Variants in SFPQ observed in about 807,000 individuals in gnomAD.
The protein encoded by SFPQ is splicing factor, proline- and glutamine-rich.
In SFPQ, 11 loss-of-function variants were observed where a neutral mutation model predicts 72.9. That is an observed-to-expected ratio of 0.15 (90% CI 0.09 to 0.25). The LOEUF (loss-of-function observed/expected upper bound fraction) is 0.25, where lower values mean the gene tolerates loss of function less well. Ranked by LOEUF, SFPQ falls within the 10% of genes least tolerant of loss-of-function variation. SFPQ has a pLI of 1.00. For missense variants in SFPQ, 847 were observed against 993.3 expected (o/e 0.85, Z 1.98); for synonymous variants, 506 against 367.3 (o/e 1.38, Z -4.32).
downstream of SFPQ, chr1:35,182,171 A>C (rs540436511): frequency 5.5e-5 from 54 of 985,324 alleles, 2 homozygotes; most frequent in South Asian, 2.4e-3. Flanking sequence ...ACCAGCCCCC[A>C]CCCACACACA....
downstream of SFPQ, chr1:35,178,631 G>C: frequency 9.5e-7 from 1 of 1,056,748 alleles, no homozygotes; most frequent in Non-Finnish European, 1.1e-6. Context: ...GGACAGCAAG[G>C]AACCAATTTT....
rs971164751 is a variant in SFPQ, at chr1:35,191,042, G to A, written c.1018-47C>T. 5.3e-6 allele frequency: 8 copies of A among 1,500,134 alleles called. No homozygotes were observed. The African/African-American group carries it at 5.5e-5, about 10-fold the overall frequency. The allele number at this position is 1,500,134 out of a possible 1,614,324, so 92.9% of individuals were successfully genotyped here. A position where few individuals can be genotyped will look rare whatever the true frequency, so the allele number is the denominator to read the frequency against. The stretch of plus-strand genomic sequence containing the variant: ...GTTAATGACCTCAAAATTGGATGAT[G>A]TCTACTCTTAAATTGTCATAGGCCT... On this transcript the variant is annotated intron_variant, in intron 2 of 9. Coordinates refer to ENST00000357214, the MANE Select transcript of SFPQ (RefSeq NM_005066.3).
chr1:35,187,114 C>T lies in SFPQ; in HGVS notation c.1873G>A (p.Gly625Ser), dbSNP rs1274846248. The T allele has an allele frequency of 6.2e-7, 1 of 1,614,036 alleles. No individual in the cohort carries two copies. Among genetic ancestry groups the T allele is most frequent in the Non-Finnish European group, 8.5e-7 (1 of 1,179,942 alleles). ...GGAMNMGDPYGSGGQKFPPLG... is the reference protein window; with the variant it reads ...GGAMNMGDPYSSGGQKFPPLG... The stretch of plus-strand genomic sequence containing the variant: ...GGTGGAAATTTCTGGCCTCCTGAAC[C>T]ATAGGGATCTAGAAAACAAAAATAG... The change falls in exon 9 of 10, where the codon GGT becomes AGT. Residue 625 changes from glycine (G) to serine (S), a missense_variant. Transcript: ENST00000357214.
At position 35,192,418 on chromosome 1, in the gene SFPQ, T is replaced by A; in HGVS notation, c.632A>T (p.Lys211Ile). ...GPGPGGPKGG[K>I]MPGGPKPGGG... Reference sequence around the variant, plus strand: ...ACCTGGCTTCGGCCCGCCAGGCATTTTGCCGCCTTTGGGACCACCCGGACC... The same window carrying A: ...ACCTGGCTTCGGCCCGCCAGGCATTATGCCGCCTTTGGGACCACCCGGACC... Residue 211 changes from lysine to isoleucine, a missense_variant, in exon 1 of 10, where the codon AAA becomes ATA. Physicochemically the swap from Lys to Ile is moderately radical, Grantham distance 102 (BLOSUM62 -3). Around this residue, in one of 6 missense-constraint regions of SFPQ, gnomAD observed 498 missense variants for 405.1 expected, o/e 1.23. Transcript: ENST00000357214. The A allele has an allele frequency of 7.0e-7, 1 of 1,426,068 alleles. No individual in the cohort carries two copies. The highest frequency in any genetic ancestry group is 9.1e-7 in the Non-Finnish European group (1 of 1,097,776). 88.3% of individuals were successfully genotyped at this position (1,426,068 alleles called of 1,614,324 possible).
downstream of SFPQ, chr1:35,179,156 C>T: frequency 1.9e-6 from 2 of 1,060,264 alleles, no homozygotes; most frequent in Non-Finnish European, 2.3e-6. Context: ...CATCCTGGCT[C>T]TCTAAAACCT....
downstream of SFPQ, chr1:35,180,111 T>A (rs1306288064): frequency 2.9e-6 from 3 of 1,049,322 alleles, no homozygotes; most frequent in South Asian, 4.6e-5. Context: ...TTTTTCTTGA[T>A]ACACAGAAGA....
chr1:35,189,664 G>T (rs6671861), intron 4 of SFPQ, among the ~76,000 whole-genome samples: 4 of 152,016 alleles, frequency 2.6e-5, no homozygotes, highest in Admixed American at 6.6e-5. Context: ...AAAATGTACT[G>T]TAGGCCACAC....
downstream of SFPQ, chr1:35,179,492 A>T: frequency 9.5e-7 from 1 of 1,055,264 alleles, no homozygotes; most frequent in Non-Finnish European, 1.1e-6. Context: ...TTTGGTTTGT[A>T]ACAAAATTAT....
At chr1:35,180,650 G>A, downstream of SFPQ, 1 of 1,053,726 alleles carries the variant, frequency 9.5e-7, no homozygotes. Flanking sequence ...AAAAAAACCT[G>A]TACTTTTAGT....
At chr1:35,180,895 G>A (rs750689738), downstream of SFPQ, 25 of 985,282 alleles carry the variant, frequency 2.5e-5, no homozygotes, top group Non-Finnish European at 2.9e-5. Context: ...ACACAACTGA[G>A]TCAGATATAC....
At chr1:35,178,246 T>A (rs375458439), downstream of SFPQ, 1 of 1,097,040 alleles carries the variant, frequency 9.1e-7, no homozygotes, top group East Asian at 5.2e-5. Flanking sequence ...TGAATTAGAA[T>A]GAAAACTGTA....
downstream of SFPQ, chr1:35,178,000 G>C: frequency 7.8e-7 from 1 of 1,278,416 alleles, no homozygotes; most frequent in African/African-American, 1.5e-5. Flanking sequence ...TCATGTGAAT[G>C]AGCACTCCAA....
Position 35,190,572 on chromosome 1 carries a change from C to A in SFPQ, c.1341G>T (p.Val447=), listed in dbSNP as rs147267388. 1.0e-4 allele frequency: 166 copies of A among 1,613,798 alleles called. No homozygotes were observed. The African/African-American group carries it at 2.0e-3, about 20-fold the overall frequency. The change falls in exon 4 of 10, where the codon GTG becomes GTT. Residue 447 remains valine (V), a synonymous_variant. Coordinates refer to ENST00000357214, the MANE Select transcript of SFPQ (RefSeq NM_005066.3). ...CATCATCTAGTTGTTCAAGTGGTTC[C>A]ACAATGACTGGACGAGGAGTTCTAA... ...LLTTTPRPVI[V]EPLEQLDDED... is the part of the protein sequence containing the mutation.
At position 35,183,172 on chromosome 1, in the gene SFPQ, A is replaced by G; in HGVS notation, c.*1284T>C. On this transcript the variant is annotated 3_prime_UTR_variant, in exon 10 of 10. Coordinates refer to ENST00000357214, the MANE Select transcript of SFPQ (RefSeq NM_005066.3). The stretch of plus-strand genomic sequence containing the variant: ...CAACAGAAGTAGCACAAGGAGATGT[A>G]AAAGTTACAGAGTACAAATGTATAT... 9.8e-7 allele frequency: 1 copy of G among 1,022,692 alleles called. No individual in the cohort carries two copies. The highest frequency in any genetic ancestry group is 4.6e-5 in the South Asian group (1 of 21,618). The allele number at this position is 1,022,692 out of a possible 1,614,324, so 63.4% of individuals were successfully genotyped here.
intron 6 of SFPQ, 80 bp from the exon 7 acceptor site, chr1:35,188,170 C>A: frequency 9.4e-7 from 1 of 1,069,106 alleles, no homozygotes; most frequent in South Asian, 1.3e-5. Flanking sequence ...TAGCAGTTGA[C>A]CTAAGAACTA....
chr1:35,191,690 A>C (rs528172787), intron 1 of SFPQ, among the ~76,000 whole-genome samples, 161 bp from the exon 2 acceptor site: 35 of 152,348 alleles, frequency 2.3e-4, no homozygotes, highest in Non-Finnish European at 4.0e-4. Context: ...GCACTATCTT[A>C]ACATTGAAAA....
At chr1:35,184,703 A>G (rs373194705) in intron 9 of SFPQ, 110 bp from the exon 10 acceptor site, 6 of 1,390,772 alleles carry the variant, frequency 4.3e-6, no homozygotes, top group East Asian at 5.4e-5. Flanking sequence ...ATCACCAATG[A>G]GTCGATCCAC....
downstream of SFPQ, chr1:35,178,949 G>A (rs1327017092): frequency 1.9e-6 from 2 of 1,052,858 alleles, no homozygotes; most frequent in Admixed American, 1.1e-4. Flanking sequence ...TATGGTTAAT[G>A]GTTTACCAGC....
rs899959756 is a variant in SFPQ, at chr1:35,184,113, A to G, written c.*343T>C. The G allele has an allele frequency of 8.9e-7, 1 of 1,125,918 alleles. No individual in the cohort carries two copies. Among genetic ancestry groups the G allele is most frequent in the African/African-American group, 1.6e-5 (1 of 61,342 alleles). The allele number at this position is 1,125,918 out of a possible 1,614,324, so 69.7% of individuals were successfully genotyped here. On this transcript the variant is annotated 3_prime_UTR_variant, in exon 10 of 10. Transcript: ENST00000357214. Reference sequence around the variant, plus strand: ...AGAAGCATGAATGGCAAAGTTGAAGATCAATATTATAACTATTTTTCTATT... The same window carrying G: ...AGAAGCATGAATGGCAAAGTTGAAGGTCAATATTATAACTATTTTTCTATT...
Sources: allele counts gnomAD v4.1 joint callset (sites outside exome capture counted in the v4.1 genomes callset), GRCh38; gene constraint gnomAD v4.1.1; regional missense constraint gnomAD v4.1.1; transcripts MANE v1.5; gene names NCBI Gene and HGNC (gene_info 2026-07-23, HGNC 2026-07-21).